SMOC2: variants seen among roughly 807,000 people sequenced by gnomAD.
SMOC2 encodes the protein SPARC related modular calcium binding 2.
A neutral mutation model predicts 61.4 loss-of-function variants in SMOC2; 39 were observed. That is an observed-to-expected ratio of 0.64 (90% CI 0.49 to 0.83). The LOEUF (loss-of-function observed/expected upper bound fraction) is 0.83. SMOC2 is among the 40% of genes least tolerant of loss of function. The pLI, the probability that SMOC2 is intolerant of heterozygous loss-of-function variation, is 0.00. For synonymous variants in SMOC2, 247 were observed against 239.9 expected (o/e 1.03, Z -0.27); for missense variants, 556 against 592.9 (o/e 0.94, Z 0.65).
intron 2 of SMOC2, among the ~76,000 whole-genome samples, chr6:168,518,890 C>CGT (rs201714375): frequency 1.4e-4 from 21 of 147,710 alleles, no homozygotes; most frequent in Non-Finnish European, 1.5e-5. Flanking sequence ...TCTGAGCATG[C>CGT]GTGTGTGTGC....
At chr6:168,523,796 CT>C (rs769121723) in intron 2 of SMOC2, among the ~76,000 whole-genome samples, 7 of 152,126 alleles carry the variant, frequency 4.6e-5, no homozygotes, top group East Asian at 1.9e-4. Context: ...CTCAACAAGG[CT>C]GTTAAACAGT....
chr6:168,446,528 C>G (rs1384661760), intron 1 of SMOC2, among the ~76,000 whole-genome samples: 2 of 152,164 alleles, frequency 1.3e-5, no homozygotes, highest in Non-Finnish European at 2.9e-5. Context: ...AGTAATAGAG[C>G]AAGATCCCAG....
At chr6:168,537,580 G>A (rs1783762269) in intron 4 of SMOC2, among the ~76,000 whole-genome samples, 1 of 152,264 alleles carries the variant, frequency 6.6e-6, no homozygotes. Flanking sequence ...TCTGCAGGAT[G>A]TAAGAAGCAC....
intron 9 of SMOC2, among the ~76,000 whole-genome samples, chr6:168,622,883 A>G (rs1387838779): frequency 6.6e-6 from 1 of 152,184 alleles, no homozygotes; most frequent in African/African-American, 2.4e-5. Flanking sequence ...CACCATGCCC[A>G]CATTTCTCCA....
At chr6:168,518,759 GTT>G (rs1783223687) in intron 2 of SMOC2, among the ~76,000 whole-genome samples, 1 of 151,124 alleles carries the variant, frequency 6.6e-6, no homozygotes, top group Non-Finnish European at 1.5e-5. Context: ...ATGTGTGTGT[GTT>G]CATGTGCGTG....
At chr6:168,543,081 A>G (rs1368793885) in intron 4 of SMOC2, among the ~76,000 whole-genome samples, 1 of 152,224 alleles carries the variant, frequency 6.6e-6, no homozygotes, top group Admixed American at 6.5e-5. Context: ...AGAAAGAACT[A>G]CACTTTCTAT....
rs1197615790 is a variant in SMOC2 at position 168,441,601 on chromosome 6, GC to G, written c.84+148del. On this transcript the variant is annotated intron_variant, in intron 1 of 12. Coordinates refer to ENST00000356284, the MANE Select transcript of SMOC2 (RefSeq NM_001166412.2). ...GGGGCCGTGGAGCCTTCGCCTGCCGGCGAGGCTGGAGCAGGTAGGACGCAGC... is the reference window on the plus strand; with the variant it reads ...GGGGCCGTGGAGCCTTCGCCTGCCGGGAGGCTGGAGCAGGTAGGACGCAGC... The G allele has an allele frequency of 2.5e-6, 3 of 1,197,872 alleles. No homozygotes were observed. In the African/African-American group the frequency reaches 4.9e-5, roughly 19 times the overall value. 74.2% of individuals were successfully genotyped at this position (1,197,872 alleles called of 1,614,324 possible).
At position 168,535,865 on chromosome 6, in the gene SMOC2, G is replaced by A. The variant is rs1389976873; in HGVS notation, c.464-7760G>A. On this transcript the variant is annotated intron_variant, in intron 4 of 12. Transcript: ENST00000356284. This position sits in a 1 kb window ranked among gnomAD's most constrained non-coding sequence, Gnocchi z 4.6. ...TAACGCAGCAGTGATGCAGCTTCAC[G>A]GCACAGGGGCGCCGCCGGGGGAAGA... is the stretch of plus-strand genomic sequence containing the variant. Among the ~76,000 whole-genome samples, 2 of 150,922 alleles carry A rather than the reference G, an allele frequency of 1.3e-5. No homozygotes were observed. The highest frequency in any genetic ancestry group is 1.3e-4 in the Admixed American group (2 of 15,098).
chr6:168,506,068 G>A (rs922039995), intron 1 of SMOC2, among the ~76,000 whole-genome samples: 5 of 151,832 alleles, frequency 3.3e-5, no homozygotes, highest in East Asian at 1.9e-4. Context: ...GCCCTGGTGC[G>A]TAGTCATAGC....
At chr6:168,541,102 C>T (rs1229821600) in intron 4 of SMOC2, among the ~76,000 whole-genome samples, 8 of 152,190 alleles carry the variant, frequency 5.3e-5, no homozygotes, top group African/African-American at 1.7e-4. Flanking sequence ...TCCCTTAAAC[C>T]GGAGACGTTT....
In SMOC2 at chr6:168,650,687, C is replaced by G. The variant is rs148223188; in HGVS notation, c.914C>G (p.Pro305Arg). 1 of 1,613,162 alleles carries G rather than the reference C, an allele frequency of 6.2e-7. No individual in the cohort carries two copies. Among genetic ancestry groups the G allele is most frequent in the African/African-American group, 1.3e-5 (1 of 74,878 alleles). The change falls in exon 10 of 13, where the codon CCG becomes CGG. Residue 305 changes from proline to arginine, a missense_variant. Pro to Arg is a moderately radical substitution (Grantham distance 103, BLOSUM62 -2). Coordinates refer to ENST00000356284, the MANE Select transcript of SMOC2 (RefSeq NM_001166412.2). ...ACATACACGTGTTTTTCAGGTTGTC[C>G]GGGTGCCAAAAAGCATGAGTTTCTG... ...LYKGRQLQGCPGAKKHEFLTS... is the reference protein window; with the variant it reads ...LYKGRQLQGCRGAKKHEFLTS...
intron 11 of SMOC2, among the ~76,000 whole-genome samples, chr6:168,653,641 TC>T (rs1787258758): frequency 7.5e-6 from 1 of 133,816 alleles, no homozygotes; most frequent in Admixed American, 7.2e-5. Context: ...TGTTAGGAAC[TC>T]ACCAACCCTC....
chr6:168,626,709 C>CGTTAAGT (rs1786419512), intron 9 of SMOC2, among the ~76,000 whole-genome samples: 2 of 152,222 alleles, frequency 1.3e-5, no homozygotes, highest in African/African-American at 4.8e-5. Flanking sequence ...GTTCTGTTAC[C>CGTTAAGT]TAGGCCTGTG....
intron 8 of SMOC2, among the ~76,000 whole-genome samples, chr6:168,606,812 G>A (rs1785705653): frequency 6.6e-6 from 1 of 152,046 alleles, no homozygotes; most frequent in Admixed American, 6.5e-5. Context: ...TCTTTCTGGA[G>A]CCCCAAGACT....
Position 168,624,607 on chromosome 6 carries a change from GAC to G in SMOC2, c.907+16374_907+16375del, listed in dbSNP as rs554710579. On this transcript the variant is annotated intron_variant, in intron 9 of 12. Coordinates refer to ENST00000356284, the MANE Select transcript of SMOC2 (RefSeq NM_001166412.2). ...AGATACACAGACACAGATGTGCACA[GAC>G]ACACAGAGACACAGACACAGACAAC... Among the ~76,000 whole-genome samples, 653 of 110,394 alleles carry G rather than the reference GAC, an allele frequency of 5.9e-3. 4 individuals carry two copies. The highest frequency in any genetic ancestry group is 0.021 in the African/African-American group (609 of 29,562). The allele number at this position is 110,394 out of a possible 152,430, so 72.4% of individuals were successfully genotyped here. A position where few individuals can be genotyped will look rare whatever the true frequency, so the allele number is the denominator to read the frequency against.
intron 1 of SMOC2, among the ~76,000 whole-genome samples, chr6:168,460,113 A>G (rs1462813950): frequency 6.6e-6 from 1 of 152,180 alleles, no homozygotes; most frequent in African/African-American, 2.4e-5. Flanking sequence ...GATACCCCAA[A>G]AGATATTCTT....
intron 12 of SMOC2, chr6:168,664,914 CA>C: frequency 2.3e-6 from 1 of 431,318 alleles, no homozygotes; most frequent in Non-Finnish European, 4.8e-6. Context: ...TGTTTGATGC[CA>C]GGTCGACATT....
chr6:168,507,067 G>A (rs1019329928), intron 1 of SMOC2, among the ~76,000 whole-genome samples: 1 of 152,160 alleles, frequency 6.6e-6, no homozygotes, highest in Non-Finnish European at 1.5e-5. Context: ...TTCCGCACCA[G>A]TACATTATCA....
intron 1 of SMOC2, among the ~76,000 whole-genome samples, chr6:168,506,412 T>C (rs1782871964): frequency 1.3e-5 from 2 of 152,254 alleles, no homozygotes; most frequent in Admixed American, 1.3e-4. Flanking sequence ...TCACGTTATC[T>C]CATATAGTCA....
Sources: allele counts gnomAD v4.1 joint callset (sites outside exome capture counted in the v4.1 genomes callset), GRCh38; gene constraint gnomAD v4.1.1; non-coding constraint Gnocchi (gnomAD v3.1); transcripts MANE v1.5; gene names NCBI Gene and HGNC (gene_info 2026-07-23, HGNC 2026-07-21).